Variants in TMEM116 observed in about 807,000 individuals in gnomAD.
TMEM116 encodes transmembrane protein 116.
Under a neutral mutation model 44.3 loss-of-function variants are expected in TMEM116, and 38 were observed. The ratio of observed to expected loss-of-function variants is 0.86; its 90% CI spans 0.66 to 1.12. The LOEUF (loss-of-function observed/expected upper bound fraction) is 1.12. Ranked by LOEUF, TMEM116 falls within the 50% of genes most tolerant of loss-of-function variation. The probability of loss-of-function intolerance (pLI) is 0.00; values close to 1 mark genes in which losing one functional copy is unlikely to be tolerated. For synonymous variants in TMEM116, 132 were observed against 144.8 expected (o/e 0.91, Z 0.64); for missense variants, 354 against 401.7 (o/e 0.88, Z 1.01).
chr12:111,989,503 T>TC (rs2076419044), intron 4 of TMEM116, among the ~76,000 whole-genome samples: 1 of 152,210 alleles, frequency 6.6e-6, no homozygotes, highest in Non-Finnish European at 1.5e-5. Flanking sequence ...TGAACCATTG[T>TC]CCACAGATGA....
intron 3 of TMEM116, among the ~76,000 whole-genome samples, chr12:112,002,679 T>C: frequency 6.6e-6 from 1 of 152,246 alleles, no homozygotes. Context: ...TTTTGTGAAA[T>C]GGGCCTAATA....
At chr12:111,985,519 C>T (rs1354831850) in intron 4 of TMEM116, among the ~76,000 whole-genome samples, 3 of 152,198 alleles carry the variant, frequency 2.0e-5, no homozygotes, top group East Asian at 3.9e-4. Context: ...TAAAACATTG[C>T]TAAAAGAAAT....
At chr12:111,987,597 A>G (rs1280011490) in intron 4 of TMEM116, among the ~76,000 whole-genome samples, 1 of 152,160 alleles carries the variant, frequency 6.6e-6, no homozygotes, top group Non-Finnish European at 1.5e-5. Context: ...AAAGCTGCCC[A>G]ACATTACTAA....
chr12:111,976,698 T>C (rs1001734263), intron 4 of TMEM116, among the ~76,000 whole-genome samples: 8 of 151,988 alleles, frequency 5.3e-5, no homozygotes, highest in African/African-American at 1.9e-4. Context: ...ACAATAACAA[T>C]TAATATGTTA....
chr12:111,946,682 G>A (rs997661056), intron 4 of TMEM116, among the ~76,000 whole-genome samples: 2 of 152,038 alleles, frequency 1.3e-5, no homozygotes, highest in East Asian at 3.8e-4. Context: ...GGGATTTGGG[G>A]GCCTGTTCCC....
chr12:112,006,093 C>G lies in TMEM116; in HGVS notation c.-33-790G>C, dbSNP rs971382200. On this transcript the variant is annotated intron_variant, in intron 1 of 10. Coordinates refer to ENST00000552374, the MANE Select transcript of TMEM116 (RefSeq NM_001193531.2). Reference sequence around the variant, plus strand: ...ACAGGTGGCTCCACCCCTATCCCAGCTGGGCTCCTCCTATACTGAATCCTG... The same window carrying G: ...ACAGGTGGCTCCACCCCTATCCCAGGTGGGCTCCTCCTATACTGAATCCTG... 1.9e-5 allele frequency: 8 copies of G among 419,930 alleles called. No individual in the cohort carries two copies. The South Asian group carries it at 6.0e-4, about 32-fold the overall frequency. 26.0% of individuals were successfully genotyped at this position (419,930 alleles called of 1,614,324 possible). A position where few individuals can be genotyped will look rare whatever the true frequency, so the allele number is the denominator to read the frequency against.
chr12:111,931,467 A>C lies in TMEM116; in HGVS notation c.*154T>G. The C allele has an allele frequency of 1.5e-6, 1 of 685,544 alleles. No individual in the cohort carries two copies. The highest frequency in any genetic ancestry group is 2.5e-6 in the Non-Finnish European group (1 of 407,516). 42.5% of individuals were successfully genotyped at this position (685,544 alleles called of 1,614,324 possible). A position where few individuals can be genotyped will look rare whatever the true frequency, so the allele number is the denominator to read the frequency against. On this transcript the variant is annotated 3_prime_UTR_variant, in exon 11 of 11. Transcript: ENST00000552374. The stretch of plus-strand genomic sequence containing the variant: ...ATAACTGGAGAGATACTCCCAATTC[A>C]TCTAGAATGACTACTAACAATGGCA...
In TMEM116 at chr12:112,008,873, G is replaced by A. The variant is rs934264546; in HGVS notation, c.-33-3570C>T. Among the ~76,000 whole-genome samples the A allele has an allele frequency of 3.6e-4, 55 of 151,746 alleles. 2 individuals are homozygous for A. The highest frequency in any genetic ancestry group is 3.3e-3 in the Admixed American group (50 of 15,212). On this transcript the variant is annotated intron_variant, in intron 1 of 10. Coordinates refer to ENST00000552374, the MANE Select transcript of TMEM116 (RefSeq NM_001193531.2). ...GCCTGTAATGCCAGCTATTCAGGAG[G>A]CTGAGGCAGGAGAATTGCTTGAACC...
chr12:112,000,838 A>C, intron 3 of TMEM116: 1 of 493,408 alleles, frequency 2.0e-6, no homozygotes, highest in South Asian at 1.5e-5. Flanking sequence ...ATTAGCTGAG[A>C]TTTAATTCCT....
At chr12:111,993,035 T>A (rs1655300108) in intron 3 of TMEM116, 1 of 170,648 alleles carries the variant, frequency 5.9e-6, no homozygotes, top group Admixed American at 6.1e-5. Flanking sequence ...ACTCCTTCAA[T>A]GTGCCACACC....
At chr12:111,960,431 G>T (rs534324796) in intron 4 of TMEM116, among the ~76,000 whole-genome samples, 9 of 142,158 alleles carry the variant, frequency 6.3e-5, no homozygotes, top group Middle Eastern at 3.8e-3. Context: ...GGCAGAGCTT[G>T]CAGTGAGCCG....
intron 4 of TMEM116, among the ~76,000 whole-genome samples, chr12:111,946,420 A>G (rs1206649722): frequency 1.3e-5 from 2 of 152,244 alleles, no homozygotes; most frequent in Non-Finnish European, 2.9e-5. Flanking sequence ...AGTATTCCTT[A>G]CAGGAAACAA....
intron 8 of TMEM116, chr12:111,936,446 C>T (rs1333482911): frequency 2.5e-6 from 1 of 392,678 alleles, no homozygotes; most frequent in East Asian, 4.2e-5. Flanking sequence ...GAAGCCTATA[C>T]TAGTTGTAGA....
chr12:111,958,691 C>T (rs566705734), intron 4 of TMEM116, among the ~76,000 whole-genome samples: 3 of 152,022 alleles, frequency 2.0e-5, no homozygotes, highest in African/African-American at 4.8e-5. Flanking sequence ...ACAAGAACTT[C>T]GTGAAACATA....
intron 4 of TMEM116, among the ~76,000 whole-genome samples, chr12:111,969,560 A>G (rs926275976): frequency 6.6e-6 from 1 of 151,770 alleles, no homozygotes; most frequent in Non-Finnish European, 1.5e-5. Context: ...GGTGTGCACC[A>G]TCATACCCGG....
intron 4 of TMEM116, among the ~76,000 whole-genome samples, chr12:111,957,397 G>A (rs947511062): frequency 2.7e-5 from 4 of 149,312 alleles, no homozygotes; most frequent in East Asian, 4.1e-4. Context: ...CCCGGCAGCC[G>A]CCCCATCTGG....
intron 3 of TMEM116, among the ~76,000 whole-genome samples, chr12:111,999,346 C>T (rs958937090): frequency 6.6e-5 from 10 of 151,986 alleles, no homozygotes; most frequent in Non-Finnish European, 1.2e-4. Context: ...GCCTGTAATC[C>T]CAGCACTTTG....
chr12:111,942,408 G>A (rs1257916430), intron 5 of TMEM116, among the ~76,000 whole-genome samples: 2 of 152,122 alleles, frequency 1.3e-5, no homozygotes, highest in Non-Finnish European at 2.9e-5. Context: ...GAGTAGCTGG[G>A]ACTACAGGCG....
chr12:111,995,292 A>AAT (rs1241748610), intron 3 of TMEM116, among the ~76,000 whole-genome samples: 2 of 152,222 alleles, frequency 1.3e-5, no homozygotes, highest in African/African-American at 2.4e-5. Context: ...TAAACCCAGC[A>AAT]ATATATATAT....
Sources: gnomAD v4.1 joint callset for allele counts (sites outside exome capture counted in the v4.1 genomes callset) on GRCh38, gnomAD v4.1.1 for gene constraint, MANE v1.5 for transcripts, NCBI Gene and HGNC (gene_info 2026-07-23, HGNC 2026-07-21) for gene names.